AGL: variants seen among roughly 807,000 people sequenced by gnomAD.
AGL encodes the protein glycogen debranching enzyme.
Under a neutral mutation model 199.3 loss-of-function variants are expected in AGL, and 128 were observed. The observed-to-expected ratio is 0.64, with a 90% confidence interval of 0.56 to 0.74. AGL has a LOEUF of 0.74. Among genes scored for constraint, AGL ranks in the 30% least tolerant of loss-of-function variants. The pLI is 0.00. For missense variants in AGL, 1,809 were observed against 1,820.8 expected, an observed-to-expected ratio of 0.99 and a Z score of 0.12; for synonymous variants, 584 against 594.7, an observed-to-expected ratio of 0.98 and a Z score of 0.26.
chr1:99,878,815 A>C (rs1022205730), intron 12 of AGL, among the ~76,000 whole-genome samples: 18 of 152,324 alleles, frequency 1.2e-4, no homozygotes, highest in African/African-American at 4.3e-4. Context: ...CTGGTAGAAC[A>C]TTGTTTAGTT....
chr1:99,877,186 G>A (rs1384601022), intron 11 of AGL, among the ~76,000 whole-genome samples: 5 of 151,856 alleles, frequency 3.3e-5, no homozygotes, highest in Non-Finnish European at 7.4e-5. Flanking sequence ...TTTTTTAAGA[G>A]TATAAATTTG....
rs1553193463 is a variant in AGL at position 99,916,498 on chromosome 1, G to A, written c.4347+1G>A. The A allele has an allele frequency of 1.2e-6, 2 of 1,609,482 alleles. No homozygotes were observed. Among genetic ancestry groups the A allele is most frequent in the East Asian group, 2.2e-5 (1 of 44,754 alleles). The stretch of plus-strand genomic sequence containing the variant: ...AGGTTTCAATTATCACCAAGGACCT[G>A]TAAGAATTTCATTTATCTTCTGAGT... On this transcript the variant is annotated splice_donor_variant, in intron 32 of 33. Coordinates refer to ENST00000361915, the MANE Select transcript of AGL (RefSeq NM_000642.3). LOFTEE classifies it high-confidence loss of function.
At chr1:99,870,680 A>G in intron 6 of AGL, 78 bp from the exon 7 acceptor site, 2 of 1,457,848 alleles carry the variant, frequency 1.4e-6, no homozygotes, top group Non-Finnish European at 1.9e-6. Context: ...GTATTTTAAT[A>G]TGATAAACAG....
upstream of AGL, among the ~76,000 whole-genome samples, chr1:99,849,579 C>T (rs1648750639): frequency 6.6e-6 from 1 of 152,172 alleles, no homozygotes; most frequent in Non-Finnish European, 1.5e-5. Context: ...CGATGGTTTG[C>T]AGACTGGCCA....
At chr1:99,898,222 AT>A (rs750935860) in intron 25 of AGL, among the ~76,000 whole-genome samples, 2 of 151,816 alleles carry the variant, frequency 1.3e-5, no homozygotes, top group African/African-American at 2.4e-5. Context: ...AATTTTTTGT[AT>A]TTTTAGTAGA....
intron 21 of AGL, 98 bp downstream of exon 21, chr1:99,888,206 T>G: frequency 6.6e-7 from 1 of 1,505,014 alleles, no homozygotes; most frequent in Non-Finnish European, 9.1e-7. Context: ...GTATGCCTAC[T>G]TGGGTTGCAA....
chr1:99,897,932 A>G (rs966182688), intron 25 of AGL, among the ~76,000 whole-genome samples: 2 of 152,210 alleles, frequency 1.3e-5, no homozygotes, highest in South Asian at 4.1e-4. Context: ...TATCACCTCT[A>G]TGCAATATCA....
At chr1:99,890,756 A>G (rs1267728818) in intron 21 of AGL, among the ~76,000 whole-genome samples, 1 of 152,084 alleles carries the variant, frequency 6.6e-6, no homozygotes, top group Non-Finnish European at 1.5e-5. Flanking sequence ...TTATCTCCAT[A>G]GGTGTTCTTG....
In AGL at chr1:99,881,467, G is replaced by A; in HGVS notation, c.2157+20G>A. 1 of 1,613,970 alleles carries A rather than the reference G, an allele frequency of 6.2e-7. No individual in the cohort carries two copies. Among genetic ancestry groups the A allele is most frequent in the Non-Finnish European group, 8.5e-7 (1 of 1,179,942 alleles). ...ATTCAGGCAAGAAATAATTAAATTT[G>A]TTTCTTCAGGTTCAATTTCAGAGTA... On this transcript the variant is annotated intron_variant, in intron 16 of 33. Coordinates refer to ENST00000361915, the MANE Select transcript of AGL (RefSeq NM_000642.3).
chr1:99,876,735 A>G, intron 11 of AGL, 138 bp downstream of exon 11: 1 of 1,040,638 alleles, frequency 9.6e-7, no homozygotes, highest in Non-Finnish European at 1.4e-6. Flanking sequence ...CCAGAGATAC[A>G]TACAATTTGA....
At chr1:99,864,729 G>A (rs537245173) in intron 5 of AGL, 140 bp downstream of exon 5, 90 of 720,270 alleles carry the variant, frequency 1.2e-4, no homozygotes, top group Non-Finnish European at 2.0e-4. Flanking sequence ...ATGATGATTA[G>A]GTGTCCTTCT....
chr1:99,867,599 A>G (rs1650631163), intron 5 of AGL, among the ~76,000 whole-genome samples: 1 of 148,644 alleles, frequency 6.7e-6, no homozygotes, highest in Non-Finnish European at 1.5e-5. Flanking sequence ...TCTGTCGCCC[A>G]GGCTGGAGTG....
At chr1:99,895,070 CAG>C (rs1653195858) in intron 24 of AGL, among the ~76,000 whole-genome samples, 1 of 152,084 alleles carries the variant, frequency 6.6e-6, no homozygotes. Flanking sequence ...TCTTTTGAGA[CAG>C]AGTTTCGCTC....
rs779937243 is a variant in AGL, at chr1:99,888,124, G to T, written c.2812+16G>T. The T allele has an allele frequency of 2.5e-6, 4 of 1,611,380 alleles. No homozygotes were observed. The highest frequency in any genetic ancestry group is 3.4e-6 in the Non-Finnish European group (4 of 1,178,940). On this transcript the variant is annotated intron_variant, in intron 21 of 33. Transcript: ENST00000361915. ...GGTCTTCAAGGTAAGCAAATGGAAG[G>T]ATAGCTGAGCTTTGTGTTTTTCTTT... is the stretch of plus-strand genomic sequence containing the variant.
intron 11 of AGL, among the ~76,000 whole-genome samples, chr1:99,877,060 T>G (rs536568833): frequency 3.2e-4 from 49 of 152,328 alleles, no homozygotes; most frequent in African/African-American, 1.1e-3. Context: ...TTTCTATAGC[T>G]ATTTCATTAC....
At chr1:99,885,870 G>A (rs1471593166) in intron 20 of AGL, among the ~76,000 whole-genome samples, 1 of 152,086 alleles carries the variant, frequency 6.6e-6, no homozygotes, top group South Asian at 2.1e-4. Flanking sequence ...CACAATAAAT[G>A]TAATGCACTT....
intron 5 of AGL, among the ~76,000 whole-genome samples, chr1:99,867,760 T>A (rs1650645794): frequency 6.6e-6 from 1 of 152,114 alleles, no homozygotes; most frequent in Non-Finnish European, 1.5e-5. Flanking sequence ...CCCGCCATAT[T>A]GGCCAGGTTC....
chr1:99,891,261 T>C lies in AGL; in HGVS notation c.2854T>C (p.Leu952=), dbSNP rs770284217. 1 of 1,613,680 alleles carries C rather than the reference T, an allele frequency of 6.2e-7. No individual in the cohort carries two copies. The highest frequency in any genetic ancestry group is 2.2e-5 in the East Asian group (1 of 44,862). The change falls in exon 22 of 34, where the codon TTG becomes CTG. Residue 952 remains leucine (L), a synonymous_variant. Transcript: ENST00000361915. ...VLAEIRPKND[L]GHPFCNNLRS... The stretch of plus-strand genomic sequence containing the variant: ...GGCAGAAATAAGACCAAAGAATGAC[T>C]TGGGGCATCCTTTTTGTAATAATTT...
At chr1:99,871,419 C>G (rs1651002202) in intron 7 of AGL, among the ~76,000 whole-genome samples, 1 of 150,556 alleles carries the variant, frequency 6.6e-6, no homozygotes, top group East Asian at 2.0e-4. Flanking sequence ...TGCCCCCCCC[C>G]CCCCAACAAA....
Sources: allele counts gnomAD v4.1 joint callset (sites outside exome capture counted in the v4.1 genomes callset), GRCh38; gene constraint gnomAD v4.1.1; transcripts MANE v1.5; gene names NCBI Gene and HGNC (gene_info 2026-07-23, HGNC 2026-07-21).